The following LCOR variants were observed in gnomAD, a reference collection of about 807,000 sequenced individuals.
LCOR encodes the protein ligand-dependent corepressor.
A neutral mutation model predicts 64.4 loss-of-function variants in LCOR; 14 were observed. That is an observed-to-expected ratio of 0.22 (90% confidence interval 0.14 to 0.34). The LOEUF (loss-of-function observed/expected upper bound fraction) is 0.34, where lower values mean the gene tolerates loss of function less well. Ranked by LOEUF, LCOR falls within the 10% of genes least tolerant of loss-of-function variation. The probability of loss-of-function intolerance (pLI) is 1.00; values close to 1 mark genes in which losing one functional copy is unlikely to be tolerated. For synonymous variants in LCOR, 643 were observed against 642.5 expected (o/e 1.00, Z -0.01); for missense variants, 1,686 against 1,765.3 (o/e 0.96, Z 0.80).
chr10:96,964,141 C>T (rs1199697772), intron 7 of LCOR: 1 of 151,720 alleles, frequency 6.6e-6, no homozygotes, highest in Non-Finnish European at 1.5e-5. Context: ...GATTGCACTA[C>T]ATTAAATTTT....
chr10:96,887,761 A>C (rs1044780363), intron 2 of LCOR, among the ~76,000 whole-genome samples: 3 of 150,780 alleles, frequency 2.0e-5, no homozygotes, highest in Admixed American at 1.3e-4. Context: ...GCTCACTGCA[A>C]CCTCTGCCTC....
chr10:96,979,530 A>G (rs1449651351), intron 7 of LCOR, among the ~76,000 whole-genome samples: 1 of 152,186 alleles, frequency 6.6e-6, no homozygotes, highest in Non-Finnish European at 1.5e-5. Flanking sequence ...ACTTACTTAA[A>G]TGGTGGAAAG....
chr10:96,935,355 G>A (rs896198911), intron 4 of LCOR, among the ~76,000 whole-genome samples: 1 of 151,812 alleles, frequency 6.6e-6, no homozygotes, highest in African/African-American at 2.4e-5. Context: ...CACCATGTTA[G>A]CCAGGCTGAT....
At chr10:96,882,582 C>T (rs764880173) in intron 2 of LCOR, among the ~76,000 whole-genome samples, 13 of 152,160 alleles carry the variant, frequency 8.5e-5, no homozygotes, top group Non-Finnish European at 1.5e-4. Flanking sequence ...GATGAACCTA[C>T]GATGACACGT....
intron 2 of LCOR, among the ~76,000 whole-genome samples, chr10:96,871,792 G>A (rs1428888750): frequency 3.3e-5 from 5 of 152,042 alleles, no homozygotes; most frequent in Admixed American, 3.3e-4. Flanking sequence ...AGTAGCTACA[G>A]TAGTTCATCA....
chr10:96,959,245 C>CA (rs1847843311), intron 7 of LCOR: 1 of 152,050 alleles, frequency 6.6e-6, no homozygotes, highest in Admixed American at 6.6e-5. Flanking sequence ...TTCTGCTAAT[C>CA]AGAGTTTTGC....
chr10:96,871,714 A>T (rs1282250896), intron 2 of LCOR, among the ~76,000 whole-genome samples: 1 of 152,108 alleles, frequency 6.6e-6, no homozygotes, highest in Non-Finnish European at 1.5e-5. Flanking sequence ...GGTGTGAGCC[A>T]CATGCCTGGC....
chr10:96,838,145 C>A (rs1845478584), intron 2 of LCOR, among the ~76,000 whole-genome samples: 1 of 152,136 alleles, frequency 6.6e-6, no homozygotes, highest in African/African-American at 2.4e-5. Context: ...CAGCAAGTAT[C>A]CCAAGTACAG....
chr10:96,969,774 C>CTTTTTTTTTTTTTTTTTTTTTTT (rs58881683), intron 7 of LCOR, among the ~76,000 whole-genome samples: 3 of 124,114 alleles, frequency 2.4e-5, no homozygotes, highest in Non-Finnish European at 3.4e-5. Context: ...TTTTTTTTTT[C>CTTTTTTTTTTTTTTTTTTTTTTT]TTTTTTTTTT....
intron 2 of LCOR, among the ~76,000 whole-genome samples, chr10:96,844,970 C>T (rs1038923984): frequency 2.0e-5 from 3 of 152,156 alleles, no homozygotes; most frequent in African/African-American, 7.2e-5. Context: ...ACTCCTGAAT[C>T]TAGCCAAATG....
chr10:96,874,915 T>C (rs1277495153), intron 2 of LCOR, among the ~76,000 whole-genome samples: 1 of 152,072 alleles, frequency 6.6e-6, no homozygotes, highest in Non-Finnish European at 1.5e-5. Context: ...AGATTACAGA[T>C]GTGAGCCACC....
chr10:96,931,928 T>C (rs934553516), intron 4 of LCOR, among the ~76,000 whole-genome samples: 3 of 152,214 alleles, frequency 2.0e-5, no homozygotes, highest in Admixed American at 6.5e-5. Context: ...TTTAAGGATA[T>C]TACTCTTTCT....
intron 4 of LCOR, among the ~76,000 whole-genome samples, chr10:96,925,115 G>T (rs1847145427): frequency 6.6e-6 from 1 of 151,336 alleles, no homozygotes; most frequent in African/African-American, 2.4e-5. Context: ...CTTCACTGTT[G>T]CCCAGGCTGA....
chr10:96,956,387 T>A, intron 7 of LCOR: 9 of 985,302 alleles, frequency 9.1e-6, no homozygotes, highest in Non-Finnish European at 9.6e-6. Flanking sequence ...ATTATTCACA[T>A]TTTTCATCTA....
At chr10:96,897,866 CTTTTT>C (rs59098946) in intron 2 of LCOR, among the ~76,000 whole-genome samples, 6 of 116,274 alleles carry the variant, frequency 5.2e-5, no homozygotes, top group Non-Finnish European at 9.1e-5. Context: ...AGAAAGCCAT[CTTTTT>C]TTTTTTTTTT....
chr10:96,938,587 G>C (rs1847392908), intron 4 of LCOR, among the ~76,000 whole-genome samples: 1 of 151,900 alleles, frequency 6.6e-6, no homozygotes, highest in African/African-American at 2.4e-5. Flanking sequence ...AAAAGAAGAG[G>C]TAAAACTGTC....
At position 96,988,674 on chromosome 10, in the gene LCOR, G is replaced by A. The variant is rs1360518281; in HGVS notation, c.*3540G>A. ...TGGGCAGCATTCCTGTTGATTAGTG[G>A]ACCTAAGAGCCAAGTAGGAAAATAT... On this transcript the variant is annotated 3_prime_UTR_variant, in exon 8 of 8. Coordinates refer to ENST00000421806, the MANE Select transcript of LCOR (RefSeq NM_001346516.2). 6.6e-6 allele frequency: 1 copy of A among 152,170 alleles called. No individual in the cohort carries two copies. Among genetic ancestry groups the A allele is most frequent in the East Asian group, 1.9e-4 (1 of 5,194 alleles). The allele number at this position is 152,170 out of a possible 1,614,324, so 9.4% of individuals were successfully genotyped here.
At position 96,982,462 on chromosome 10, in the gene LCOR, T is replaced by G; in HGVS notation, c.2002T>G (p.Cys668Gly). The G allele has an allele frequency of 6.2e-7, 1 of 1,614,226 alleles. No homozygotes were observed. The highest frequency in any genetic ancestry group is 8.5e-7 in the Non-Finnish European group (1 of 1,180,026). Residue 668 changes from cysteine (C) to glycine (G), a missense_variant, in exon 8 of 8, where the codon TGT becomes GGT. Transcript: ENST00000421806. ...GGAGGAGATGAGTGTACCCCAGGAC[T>G]GTCACCTCCTTCCCTCCACTGAAAG... Reference protein sequence around the residue: ...DTEEMSVPQDCHLLPSTESFS... With the variant: ...DTEEMSVPQDGHLLPSTESFS...
chr10:96,840,166 C>T (rs368541219), intron 2 of LCOR, among the ~76,000 whole-genome samples: 1 of 152,132 alleles, frequency 6.6e-6, no homozygotes, highest in East Asian at 1.9e-4. Flanking sequence ...ATTTAAGAAT[C>T]TTTTGCTTAA....
Sources: allele counts gnomAD v4.1 joint callset (sites outside exome capture counted in the v4.1 genomes callset), GRCh38; gene constraint gnomAD v4.1.1; transcripts MANE v1.5; gene names NCBI Gene and HGNC (gene_info 2026-07-23, HGNC 2026-07-21).